CTNNA2: variants seen among roughly 807,000 people sequenced by gnomAD.
CTNNA2 encodes catenin alpha 2.
Under a neutral mutation model 101.0 loss-of-function variants are expected in CTNNA2, and 42 were observed. That is an observed-to-expected ratio of 0.42 (90% CI 0.32 to 0.54). CTNNA2 has a LOEUF of 0.54. Among genes scored for constraint, CTNNA2 ranks in the 20% least tolerant of loss-of-function variants. The probability of loss-of-function intolerance (pLI) is 0.14; values close to 1 mark genes in which losing one functional copy is unlikely to be tolerated. For missense variants in CTNNA2, 871 were observed against 1,223.1 expected (o/e 0.71, Z 4.29); for synonymous variants, 450 against 456.4 (o/e 0.99, Z 0.18).
In CTNNA2 at chr2:79,434,020, G is replaced by T. The variant is rs972659667; in HGVS notation, c.-135+60007G>T. On this transcript the variant is annotated intron_variant, in intron 4 of 21. Coordinates refer to the CTNNA2 transcript ENST00000466387. ...GAATAAGAGAGGTTTAAGGCCTGGCGCAGCAGCTCATACCTGTAATCCCAG... is the reference window on the plus strand; with the variant it reads ...GAATAAGAGAGGTTTAAGGCCTGGCTCAGCAGCTCATACCTGTAATCCCAG... Among the ~76,000 whole-genome samples, 4 of 152,226 alleles carry T rather than the reference G, an allele frequency of 2.6e-5. No homozygotes were observed. In the South Asian group the frequency reaches 8.3e-4, roughly 32 times the overall value.
intron 4 of CTNNA2, among the ~76,000 whole-genome samples, chr2:79,420,682 T>A (rs1040463732): frequency 6.6e-6 from 1 of 152,072 alleles, no homozygotes; most frequent in African/African-American, 2.4e-5. Flanking sequence ...TCTCAAAGAG[T>A]TGTTTAGAGG....
intron 9 of CTNNA2, among the ~76,000 whole-genome samples, chr2:80,514,927 G>A (rs575030285): frequency 5.9e-5 from 9 of 152,248 alleles, no homozygotes; most frequent in South Asian, 4.1e-4. Flanking sequence ...ACTTTGGGCC[G>A]CAGGTTTTAG....
chr2:80,613,246 C>T (rs998236751), intron 17 of CTNNA2, among the ~76,000 whole-genome samples: 1 of 151,442 alleles, frequency 6.6e-6, no homozygotes, highest in Non-Finnish European at 1.5e-5. Flanking sequence ...TCCTTAGTTA[C>T]ATTCATACCA....
intron 3 of CTNNA2, among the ~76,000 whole-genome samples, chr2:79,342,801 G>A (rs963057441): frequency 6.6e-6 from 1 of 152,142 alleles, no homozygotes; most frequent in Non-Finnish European, 1.5e-5. Flanking sequence ...ATTCTACCTT[G>A]GGAGTATTTA....
intron 9 of CTNNA2, among the ~76,000 whole-genome samples, chr2:80,429,204 T>C (rs1681260822): frequency 6.6e-6 from 1 of 152,160 alleles, no homozygotes; most frequent in African/African-American, 2.4e-5. Context: ...TGCAGAAAAG[T>C]TCAAGGCCCC....
At chr2:80,320,931 G>A (rs898866836) in intron 7 of CTNNA2, among the ~76,000 whole-genome samples, 2 of 152,102 alleles carry the variant, frequency 1.3e-5, no homozygotes, top group South Asian at 2.1e-4. Flanking sequence ...CATTTCATTA[G>A]GGTGGTGATG....
chr2:80,347,795 C>A (rs2149291047), intron 7 of CTNNA2, among the ~76,000 whole-genome samples: 1 of 152,000 alleles, frequency 6.6e-6, no homozygotes, highest in South Asian at 2.1e-4. Context: ...TTAACAAGAT[C>A]CCCAGCTGAT....
intron 1 of CTNNA2, among the ~76,000 whole-genome samples, chr2:79,529,179 A>T (rs6716948): frequency 0.22 from 33,647 of 152,116 alleles, 4,110 homozygotes; most frequent in Middle Eastern, 0.34. Context: ...TACAGTTGCC[A>T]GAGTGCATAG....
At chr2:79,479,644 T>G (rs1269142668) in intron 4 of CTNNA2, among the ~76,000 whole-genome samples, 1 of 152,066 alleles carries the variant, frequency 6.6e-6, no homozygotes, top group East Asian at 1.9e-4. Flanking sequence ...AATACCTGGC[T>G]GGGTGTGGTG....
intron 18 of CTNNA2, among the ~76,000 whole-genome samples, chr2:80,640,402 A>G (rs1673336458): frequency 6.6e-6 from 1 of 152,316 alleles, no homozygotes. Flanking sequence ...GTAGACTCCA[A>G]CACAGAAATG....
intron 9 of CTNNA2, among the ~76,000 whole-genome samples, chr2:80,540,596 C>A (rs78402026): frequency 1.7e-3 from 226 of 132,640 alleles, no homozygotes; most frequent in Middle Eastern, 4.2e-3. Context: ...GACTCCATCT[C>A]AAAAAAAAAA....
At chr2:79,501,560 A>G (rs1278678675) in intron 4 of CTNNA2, among the ~76,000 whole-genome samples, 1 of 152,184 alleles carries the variant, frequency 6.6e-6, no homozygotes, top group East Asian at 1.9e-4. Context: ...TTTTTCTCTA[A>G]TACTGCACTA....
chr2:79,740,399 C>T (rs1333617966), intron 2 of CTNNA2, among the ~76,000 whole-genome samples: 5 of 152,088 alleles, frequency 3.3e-5, no homozygotes, highest in African/African-American at 9.7e-5. Flanking sequence ...TACATAGGAA[C>T]CCTAAGATCT....
chr2:79,311,143 C>T (rs1192677201), intron 2 of CTNNA2, among the ~76,000 whole-genome samples: 1 of 152,200 alleles, frequency 6.6e-6, no homozygotes, highest in Non-Finnish European at 1.5e-5. Context: ...GGCGCTGTGG[C>T]TCACGCCTGT....
chr2:79,224,877 T>TTA (rs749585806), intron 2 of CTNNA2, among the ~76,000 whole-genome samples: 1 of 151,486 alleles, frequency 6.6e-6, no homozygotes, highest in Admixed American at 6.6e-5. Context: ...ATATTAAGCT[T>TTA]TATATATATA....
At chr2:79,306,766 A>G (rs889375768) in intron 2 of CTNNA2, among the ~76,000 whole-genome samples, 1 of 152,240 alleles carries the variant, frequency 6.6e-6, no homozygotes, top group Non-Finnish European at 1.5e-5. Flanking sequence ...TGTTTTCAAC[A>G]TTCTCACCAG....
At chr2:79,200,790 C>T (rs1354209591) in intron 2 of CTNNA2, among the ~76,000 whole-genome samples, 1 of 151,940 alleles carries the variant, frequency 6.6e-6, no homozygotes, top group Non-Finnish European at 1.5e-5. Flanking sequence ...GTTACATTTG[C>T]ATTAAGCTAA....
intron 7 of CTNNA2, among the ~76,000 whole-genome samples, chr2:80,140,758 C>A (rs1362237910): frequency 1.3e-5 from 2 of 152,134 alleles, no homozygotes; most frequent in East Asian, 3.9e-4. Context: ...CTTTAAATTT[C>A]TTTGCTTCCA....
chr2:80,125,418 G>A (rs1702058264), intron 7 of CTNNA2, among the ~76,000 whole-genome samples: 1 of 152,022 alleles, frequency 6.6e-6, no homozygotes, highest in Admixed American at 6.6e-5. Flanking sequence ...GATTTCAATG[G>A]GACTGTAGAC....
Sources: allele counts gnomAD v4.1 joint callset (sites outside exome capture counted in the v4.1 genomes callset), GRCh38; gene constraint gnomAD v4.1.1; transcripts MANE v1.5; gene names NCBI Gene and HGNC (gene_info 2026-07-23, HGNC 2026-07-21).